Variants in MDGA2 observed in about 807,000 individuals in gnomAD.
MDGA2 encodes the protein MAM domain-containing glycosylphosphatidylinositol anchor protein 2.
In MDGA2, 40 loss-of-function variants were observed where a neutral mutation model predicts 117.8. That is an observed-to-expected ratio of 0.34 (90% confidence interval 0.26 to 0.44). The LOEUF (loss-of-function observed/expected upper bound fraction) is 0.44. Ranked by LOEUF, MDGA2 falls within the 20% of genes least tolerant of loss-of-function variation. The pLI, the probability that MDGA2 is intolerant of heterozygous loss-of-function variation, is 1.00. For missense variants in MDGA2, 1,123 were observed against 1,250.6 expected, an observed-to-expected ratio of 0.90 and a Z score of 1.54; for synonymous variants, 452 against 439.0, an observed-to-expected ratio of 1.03 and a Z score of -0.37.
At chr14:46,998,222 T>C (rs1458001097) in intron 8 of MDGA2, among the ~76,000 whole-genome samples, 2 of 152,122 alleles carry the variant, frequency 1.3e-5, no homozygotes, top group Non-Finnish European at 1.5e-5. Context: ...GGCAGGAGGA[T>C]TGCTTGATCC....
intron 8 of MDGA2, among the ~76,000 whole-genome samples, chr14:46,983,224 CAAATA>C (rs1487853246): frequency 2.1e-4 from 32 of 152,230 alleles, no homozygotes; most frequent in African/African-American, 6.5e-4. Context: ...AGGAGCATTA[CAAATA>C]AAATAAACAA....
chr14:47,146,754 T>C (rs1882959852), intron 3 of MDGA2, among the ~76,000 whole-genome samples: 1 of 152,206 alleles, frequency 6.6e-6, no homozygotes. Context: ...CAGAATTTGA[T>C]GGTAAACAGT....
chr14:47,219,112 G>T (rs2139515586), intron 2 of MDGA2, among the ~76,000 whole-genome samples: 1 of 152,054 alleles, frequency 6.6e-6, no homozygotes, highest in Admixed American at 6.5e-5. Context: ...TGTTTTTAAG[G>T]TTGAGAAACA....
intron 10 of MDGA2, among the ~76,000 whole-genome samples, chr14:46,883,723 A>T (rs920023292): frequency 5.3e-5 from 8 of 152,068 alleles, no homozygotes; most frequent in African/African-American, 1.9e-4. Flanking sequence ...TATTAAATGT[A>T]TGCATATAAT....
chr14:47,530,078 G>A (rs1011064712), intron 1 of MDGA2, among the ~76,000 whole-genome samples: 10 of 152,180 alleles, frequency 6.6e-5, no homozygotes, highest in Non-Finnish European at 8.8e-5. Flanking sequence ...ATGAACAGAC[G>A]TGTAGTCAGG....
intron 10 of MDGA2, among the ~76,000 whole-genome samples, chr14:46,893,222 T>C (rs1010426294): frequency 2.0e-5 from 3 of 152,060 alleles, no homozygotes; most frequent in Admixed American, 1.3e-4. Flanking sequence ...AGAATTAAGC[T>C]AAGTAAAATA....
At chr14:47,662,850 T>A (rs1897875607) in intron 1 of MDGA2, among the ~76,000 whole-genome samples, 1 of 152,138 alleles carries the variant, frequency 6.6e-6, no homozygotes, top group Admixed American at 6.5e-5. Flanking sequence ...ATGGTCATAA[T>A]GGAAAAGGGT....
At chr14:47,214,586 A>T (rs947496928) in intron 3 of MDGA2, among the ~76,000 whole-genome samples, 1 of 152,170 alleles carries the variant, frequency 6.6e-6, no homozygotes, top group African/African-American at 2.4e-5. Context: ...AGTCGCCAAT[A>T]AAGATACATA....
chr14:47,328,131 A>C (rs2139900543), intron 1 of MDGA2, among the ~76,000 whole-genome samples: 1 of 152,288 alleles, frequency 6.6e-6, no homozygotes, highest in South Asian at 2.1e-4. Flanking sequence ...CTTCATGATC[A>C]AAAGATTGAG....
intron 1 of MDGA2, among the ~76,000 whole-genome samples, chr14:47,430,496 G>A (rs1892777641): frequency 6.6e-6 from 1 of 151,866 alleles, no homozygotes; most frequent in Non-Finnish European, 1.5e-5. Flanking sequence ...TAATTAATTT[G>A]AGTGGGAAGA....
intron 1 of MDGA2, among the ~76,000 whole-genome samples, chr14:47,528,297 G>A (rs1254386666): frequency 6.6e-6 from 1 of 152,216 alleles, no homozygotes; most frequent in Non-Finnish European, 1.5e-5. Flanking sequence ...ATCGTAGGCA[G>A]AGCATGATGT....
intron 3 of MDGA2, among the ~76,000 whole-genome samples, chr14:47,156,640 T>C (rs372519022): frequency 2.0e-5 from 3 of 152,368 alleles, no homozygotes; most frequent in African/African-American, 7.2e-5. Flanking sequence ...TTCCACCATT[T>C]GGTCCAATTT....
chr14:47,095,957 C>T (rs1055084379), intron 6 of MDGA2, among the ~76,000 whole-genome samples: 6 of 151,932 alleles, frequency 3.9e-5, no homozygotes, highest in African/African-American at 1.4e-4. Context: ...GTGCACCCTC[C>T]ACTTCCAACC....
chr14:47,225,874 A>G (rs939490581), intron 2 of MDGA2, among the ~76,000 whole-genome samples: 1 of 152,126 alleles, frequency 6.6e-6, no homozygotes, highest in Non-Finnish European at 1.5e-5. Context: ...TTTCTAGTAT[A>G]TCCAGAATAT....
intron 1 of MDGA2, among the ~76,000 whole-genome samples, chr14:47,649,581 A>G (rs893765668): frequency 4.6e-5 from 7 of 152,168 alleles, no homozygotes; most frequent in Non-Finnish European, 1.0e-4. Flanking sequence ...GCTACTCAGG[A>G]GGCTGAGACA....
At chr14:47,182,606 C>T (rs2139375308) in intron 3 of MDGA2, among the ~76,000 whole-genome samples, 1 of 152,260 alleles carries the variant, frequency 6.6e-6, no homozygotes, top group East Asian at 1.9e-4. Context: ...TGGGAGATGA[C>T]ACATTTCTAT....
chr14:47,218,282 A>G, intron 2 of MDGA2, 87 bp from the exon 3 acceptor site: 1 of 1,134,108 alleles, frequency 8.8e-7, no homozygotes, highest in Non-Finnish European at 1.2e-6. Context: ...AAGAGTTTGC[A>G]TTTAGAGCTG....
intron 1 of MDGA2, among the ~76,000 whole-genome samples, chr14:47,493,177 A>G (rs1171957141): frequency 6.6e-6 from 1 of 151,782 alleles, no homozygotes; most frequent in African/African-American, 2.4e-5. Context: ...GCAGATATAT[A>G]GTACTTAAGC....
intron 6 of MDGA2, among the ~76,000 whole-genome samples, chr14:47,087,447 G>A: frequency 7.8e-6 from 1 of 128,782 alleles, no homozygotes. Context: ...AACACAAGAG[G>A]CAGACTCCAC....
Sources: allele counts gnomAD v4.1 joint callset (sites outside exome capture counted in the v4.1 genomes callset), GRCh38; gene constraint gnomAD v4.1.1; transcripts MANE v1.5; gene names NCBI Gene and HGNC (gene_info 2026-07-23, HGNC 2026-07-21).